SNAP25: variants seen among roughly 807,000 people sequenced by gnomAD.
SNAP25 encodes synaptosome associated protein 25.
Under a neutral mutation model 28.7 loss-of-function variants are expected in SNAP25, and 3 were observed. That is an observed-to-expected ratio of 0.10 (90% CI 0.05 to 0.27). The LOEUF is 0.27. Ranked by LOEUF, SNAP25 falls within the 10% of genes least tolerant of loss-of-function variation. The pLI, the probability that SNAP25 is intolerant of heterozygous loss-of-function variation, is 1.00. For synonymous variants in SNAP25, 61 were observed against 88.1 expected (o/e 0.69, Z 1.72); for missense variants, 117 against 278.7 (o/e 0.42, Z 4.13).
In SNAP25 at chr20:10,281,816, G is replaced by A. The variant is rs6133844; in HGVS notation, c.115-2908G>A. ...TCTTATTTCCTGAACTCACGGAGGCGTCAGCTTCCCATAGAGGTGAACCTT... is the reference window on the plus strand; with the variant it reads ...TCTTATTTCCTGAACTCACGGAGGCATCAGCTTCCCATAGAGGTGAACCTT... On this transcript the variant is annotated intron_variant, in intron 3 of 7. Coordinates refer to ENST00000254976, the MANE Select transcript of SNAP25 (RefSeq NM_130811.4). 8.0e-4 allele frequency among the ~76,000 whole-genome samples: 122 copies of A among 152,242 alleles called. 1 individual carries two copies. The highest frequency in any genetic ancestry group is 6.8e-3 in the Middle Eastern group (2 of 294).
At chr20:10,301,873 AAT>A (rs1262151720) in intron 7 of SNAP25, among the ~76,000 whole-genome samples, 1 of 144,618 alleles carries the variant, frequency 6.9e-6, no homozygotes, top group African/African-American at 2.6e-5. Flanking sequence ...TATATTATAT[AAT>A]ATATAATATA....
chr20:10,283,856 G>A (rs963339375), intron 3 of SNAP25, among the ~76,000 whole-genome samples: 1 of 152,104 alleles, frequency 6.6e-6, no homozygotes, highest in Non-Finnish European at 1.5e-5. Flanking sequence ...TAACTGATTA[G>A]GCTTTCTAGA....
In SNAP25 at chr20:10,274,668, C is replaced by T. The variant is rs146558957; in HGVS notation, c.-63-761C>T. Among the ~76,000 whole-genome samples the T allele has an allele frequency of 8.7e-3, 1,328 of 152,104 alleles. 13 individuals carry two copies. The highest frequency in any genetic ancestry group is 0.041 in the Middle Eastern group (12 of 294). The stretch of plus-strand genomic sequence containing the variant: ...ACCATCCTGGCCAACACAGTGAAAC[C>T]CCGTCTCTACTAAAAATACAAAAAA... On this transcript the variant is annotated intron_variant, in intron 1 of 7. Transcript: ENST00000254976.
At chr20:10,268,131 AT>A (rs1208603346) in intron 1 of SNAP25, among the ~76,000 whole-genome samples, 1 of 152,224 alleles carries the variant, frequency 6.6e-6, no homozygotes, top group Non-Finnish European at 1.5e-5. Context: ...GTTAGTTAAT[AT>A]GATTATTATT....
At chr20:10,258,934 T>C (rs554844376) in intron 1 of SNAP25, among the ~76,000 whole-genome samples, 130 of 152,324 alleles carry the variant, frequency 8.5e-4, no homozygotes, top group African/African-American at 2.9e-3. Flanking sequence ...TATAAGCTAG[T>C]AGCTTTGCTA....
chr20:10,221,224 G>A (rs2062627454), intron 1 of SNAP25, among the ~76,000 whole-genome samples: 1 of 152,226 alleles, frequency 6.6e-6, no homozygotes, highest in African/African-American at 2.4e-5. Context: ...AATTACTGCT[G>A]GGTTTGTTTG....
chr20:10,287,859 G>T (rs1474472059), intron 4 of SNAP25, among the ~76,000 whole-genome samples: 4 of 152,036 alleles, frequency 2.6e-5, no homozygotes, highest in African/African-American at 9.7e-5. Context: ...GTCCTTTGTA[G>T]GGACATGGAT....
intron 1 of SNAP25, among the ~76,000 whole-genome samples, chr20:10,264,918 CTT>C (rs958711328): frequency 3.4e-5 from 4 of 117,120 alleles, no homozygotes; most frequent in Non-Finnish European, 3.5e-5. Flanking sequence ...TCAGACCATG[CTT>C]TTTTTTTTTT....
At chr20:10,226,019 C>T (rs1941746297) in intron 1 of SNAP25, among the ~76,000 whole-genome samples, 1 of 152,152 alleles carries the variant, frequency 6.6e-6, no homozygotes, top group Non-Finnish European at 1.5e-5. Flanking sequence ...GTTCCCTTTC[C>T]ATGAAGAGTC....
chr20:10,287,096 T>C lies in SNAP25; in HGVS notation c.163+2324T>C, dbSNP rs538296603. On this transcript the variant is annotated intron_variant, in intron 4 of 7. Transcript: ENST00000254976. ...GGCATTATCATTCAGGACATAGGCA[T>C]GGGCAAGGACTTCATGTCCAAAACA... Among the ~76,000 whole-genome samples the C allele has an allele frequency of 2.4e-4, 37 of 152,280 alleles. No homozygotes were observed. The South Asian group carries it at 5.0e-3, about 20-fold the overall frequency.
intron 1 of SNAP25, among the ~76,000 whole-genome samples, chr20:10,247,003 A>G (rs1600678832): frequency 6.6e-6 from 1 of 152,208 alleles, no homozygotes; most frequent in East Asian, 1.9e-4. Context: ...ACTGACACAC[A>G]TAAAGAAGTT....
At chr20:10,270,248 C>G (rs1234211024) in intron 1 of SNAP25, among the ~76,000 whole-genome samples, 1 of 151,938 alleles carries the variant, frequency 6.6e-6, no homozygotes, top group East Asian at 1.9e-4. Context: ...GAGCGAAACT[C>G]TATCTCAAAA....
At chr20:10,220,130 AG>A (rs1356407705) in intron 1 of SNAP25, among the ~76,000 whole-genome samples, 8 of 152,214 alleles carry the variant, frequency 5.3e-5, no homozygotes, top group African/African-American at 1.7e-4. Flanking sequence ...ATCTGTTTAT[AG>A]GGATGATACA....
rs362994 is a variant in SNAP25 at position 10,296,333 on chromosome 20, G to A, written c.282-592G>A. ...ATTATCTAATTCAAATCACTCTAGA[G>A]GCAATGCAAAGACCATCACTCTTGG... is the stretch of plus-strand genomic sequence containing the variant. On this transcript the variant is annotated intron_variant, in intron 5 of 7. Coordinates refer to ENST00000254976, the MANE Select transcript of SNAP25 (RefSeq NM_130811.4). 911 of 154,800 alleles carry A rather than the reference G, an allele frequency of 5.9e-3. 14 individuals are homozygous for A. Among genetic ancestry groups the A allele is most frequent in the African/African-American group, 0.021 (864 of 41,516 alleles). 9.6% of individuals were successfully genotyped at this position (154,800 alleles called of 1,614,324 possible).
chr20:10,305,411 A>G (rs1206734862), intron 7 of SNAP25, among the ~76,000 whole-genome samples: 1 of 152,142 alleles, frequency 6.6e-6, no homozygotes, highest in Non-Finnish European at 1.5e-5. Context: ...GCATGGTGGC[A>G]TGCACCTGTG....
intron 3 of SNAP25, 32 bp from the exon 4 acceptor site, chr20:10,284,692 T>A: frequency 6.3e-7 from 1 of 1,581,950 alleles, no homozygotes; most frequent in East Asian, 2.2e-5. Context: ...CTCTAACTCC[T>A]TTTCAACTTT....
At chr20:10,235,067 T>C (rs1287327034) in intron 1 of SNAP25, among the ~76,000 whole-genome samples, 1 of 151,974 alleles carries the variant, frequency 6.6e-6, no homozygotes, top group African/African-American at 2.4e-5. Context: ...ACCCTGTCTC[T>C]GCAGAAATAA....
intron 1 of SNAP25, chr20:10,219,293 G>C (rs1241208904): frequency 6.6e-6 from 1 of 152,338 alleles, no homozygotes; most frequent in Non-Finnish European, 1.5e-5. Context: ...GCAGTTTTCA[G>C]AGATATTTAG....
chr20:10,299,047 A>C (rs2064175389), intron 6 of SNAP25, among the ~76,000 whole-genome samples: 1 of 152,228 alleles, frequency 6.6e-6, no homozygotes, highest in Admixed American at 6.5e-5. Context: ...TAATCTATTT[A>C]ATATACCTTC....
Sources: allele counts gnomAD v4.1 joint callset (sites outside exome capture counted in the v4.1 genomes callset), GRCh38; gene constraint gnomAD v4.1.1; transcripts MANE v1.5; gene names NCBI Gene and HGNC (gene_info 2026-07-23, HGNC 2026-07-21).